Variants in IL2RB observed in about 807,000 individuals in gnomAD.
IL2RB encodes interleukin-2 receptor subunit beta.
In IL2RB, 17 loss-of-function variants were observed where a neutral mutation model predicts 44.2. The observed-to-expected ratio is 0.38, with a 90% CI of 0.26 to 0.58. IL2RB has a LOEUF of 0.58. IL2RB is among the 20% of genes least tolerant of loss of function. The pLI is 0.63. For missense variants in IL2RB, 624 were observed against 685.5 expected (o/e 0.91, Z 1.00); for synonymous variants, 286 against 297.9 (o/e 0.96, Z 0.41).
upstream of IL2RB, among the ~76,000 whole-genome samples, chr22:37,154,415 C>G (rs377487747): frequency 2.6e-5 from 4 of 152,244 alleles, no homozygotes; most frequent in Admixed American, 6.5e-5. Flanking sequence ...GGCATCAGCT[C>G]GGGTCTGCTT....
At chr22:37,150,983 C>T (rs149366180), upstream of IL2RB, among the ~76,000 whole-genome samples, 1 of 152,290 alleles carries the variant, frequency 6.6e-6, no homozygotes, top group East Asian at 1.9e-4. Flanking sequence ...TGTTGATGGG[C>T]ACTTAGGTTG....
At position 37,135,245 on chromosome 22, in the gene IL2RB, T is replaced by G. The variant is rs149775592; in HGVS notation, c.818+83A>C. On this transcript the variant is annotated intron_variant, in intron 8 of 9. Transcript: ENST00000216223. ...GTGTGTGTGTGTGTATGTGTGCTTG[T>G]GTGCGTGTGTGTGCATGTGTGTGCA... 76 of 864,718 alleles carry G rather than the reference T, an allele frequency of 8.8e-5. No homozygotes were observed. The East Asian group carries it at 1.8e-3, about 21-fold the overall frequency. The allele number at this position is 864,718 out of a possible 1,614,324, so 53.6% of individuals were successfully genotyped here.
intron 1 of IL2RB, among the ~76,000 whole-genome samples, chr22:37,149,445 C>T (rs369301311): frequency 3.9e-5 from 6 of 152,198 alleles, no homozygotes; most frequent in African/African-American, 9.6e-5. Context: ...GGAGGGGGCT[C>T]CCGCCTGTCC....
At chr22:37,152,719 G>C (rs1922538186), upstream of IL2RB, among the ~76,000 whole-genome samples, 1 of 152,018 alleles carries the variant, frequency 6.6e-6, no homozygotes, top group Non-Finnish European at 1.5e-5. Flanking sequence ...CGGGGGAGAA[G>C]GGTGGCGTGG....
chr22:37,152,112 A>G (rs1922513523), upstream of IL2RB, among the ~76,000 whole-genome samples: 1 of 152,184 alleles, frequency 6.6e-6, no homozygotes, highest in Non-Finnish European at 1.5e-5. Context: ...GAAGAATGTC[A>G]TTAGTATTTT....
At chr22:37,161,892 G>A (rs1217453394) in intron 1 of IL2RB, 1 of 152,210 alleles carries the variant, frequency 6.6e-6, no homozygotes, top group Non-Finnish European at 1.5e-5. Flanking sequence ...GGAGGCTGGC[G>A]AGGGTGGTGT....
intron 1 of IL2RB, among the ~76,000 whole-genome samples, chr22:37,158,072 C>T (rs953705755): frequency 6.6e-6 from 1 of 152,190 alleles, no homozygotes; most frequent in Admixed American, 6.5e-5. Context: ...ACATCTCTGA[C>T]ACATGACCCA....
chr22:37,137,118 G>T (rs1921747153), intron 6 of IL2RB, among the ~76,000 whole-genome samples: 1 of 152,234 alleles, frequency 6.6e-6, no homozygotes, highest in African/African-American at 2.4e-5. Flanking sequence ...GAGAGTGGAA[G>T]TTTGCTGAGC....
Position 37,128,541 on chromosome 22 carries a change from G to A in IL2RB, c.1211C>T (p.Ser404Phe), listed in dbSNP as rs374625831. Residue 404 changes from serine (S) to phenylalanine (F), a missense_variant, in exon 10 of 10, where the codon TCC (serine) becomes TTC (phenylalanine). Physicochemically the swap from Ser to Phe is radical, Grantham distance 155. Coordinates refer to ENST00000216223, the MANE Select transcript of IL2RB (RefSeq NM_000878.5). This position sits in a 1 kb window ranked among gnomAD's most constrained non-coding sequence, Gnocchi z 4.5. The part of the protein sequence containing the change: ...EGVAGAPTGS[S>F]PQPLQPLSGE... ...TGACAGAGGCTGCAGGGGTTGGGGG[G>A]AAGACCCTGTGGGTGCCCCGGCCAC... The A allele has an allele frequency of 3.1e-6, 5 of 1,613,638 alleles. No individual in the cohort carries two copies. In the Admixed American group the frequency reaches 6.7e-5, roughly 22 times the overall value.
At chr22:37,132,964 G>A (rs1311485590) in intron 8 of IL2RB, among the ~76,000 whole-genome samples, 3 of 152,238 alleles carry the variant, frequency 2.0e-5, no homozygotes, top group African/African-American at 2.4e-5. Context: ...GGGAAAGGTG[G>A]TGGTGAGTGA....
At position 37,144,157 on chromosome 22, in the gene IL2RB, G is replaced by A. The variant is rs973200850; in HGVS notation, c.16C>T (p.Leu6=). The A allele has an allele frequency of 6.4e-7, 1 of 1,551,428 alleles. No homozygotes were observed. The highest frequency in any genetic ancestry group is 8.7e-7 in the Non-Finnish European group (1 of 1,146,988). Residue 6 remains leucine, a synonymous_variant, in exon 2 of 10, where the codon CTG becomes TTG. Coordinates refer to ENST00000216223, the MANE Select transcript of IL2RB (RefSeq NM_000878.5). ...ATGAGGAGGGGCAGACGCCAGGACA[G>A]AGCAGGGGCCGCCATTACATCCACA... The part of the protein sequence containing the change: MAAPA[L]SWRLPLLILL...
At chr22:37,172,597 G>A (rs1303474892) in intron 1 of IL2RB, among the ~76,000 whole-genome samples, 2 of 152,206 alleles carry the variant, frequency 1.3e-5, no homozygotes, top group African/African-American at 4.8e-5. Context: ...CACCCAAAGT[G>A]CCTCCTTCAC....
intron 1 of IL2RB, among the ~76,000 whole-genome samples, chr22:37,165,534 G>C (rs1462303327): frequency 6.6e-6 from 1 of 152,132 alleles, no homozygotes; most frequent in Admixed American, 6.5e-5. Flanking sequence ...AGCCCTCAAG[G>C]AGCCCAGAGT....
At chr22:37,170,141 AACAG>A (rs1474454795) in intron 1 of IL2RB, among the ~76,000 whole-genome samples, 18 of 151,922 alleles carry the variant, frequency 1.2e-4, no homozygotes, top group Non-Finnish European at 2.9e-5. Flanking sequence ...TGAAGGGATG[AACAG>A]ACAGACGGAT....
At chr22:37,137,775 A>T in intron 5 of IL2RB, 40 bp from the exon 6 acceptor site, 1 of 1,556,826 alleles carries the variant, frequency 6.4e-7, no homozygotes, top group South Asian at 1.1e-5. Context: ...GTCAGCCATG[A>T]CCTCCACCTC....
chr22:37,129,409 T>C (rs1021756729), intron 9 of IL2RB, among the ~76,000 whole-genome samples: 1 of 152,018 alleles, frequency 6.6e-6, no homozygotes, highest in African/African-American at 2.4e-5. Context: ...TTGGGGGAGC[T>C]GATGGTTTCC....
intron 1 of IL2RB, among the ~76,000 whole-genome samples, chr22:37,157,651 TC>T (rs371121624): frequency 4.6e-5 from 7 of 152,084 alleles, no homozygotes; most frequent in African/African-American, 1.2e-4. Context: ...ACTAATCAGC[TC>T]CCCGATTTAA....
intron 2 of IL2RB, 124 bp from the exon 3 acceptor site, chr22:37,143,759 C>T (rs905484896): frequency 6.5e-5 from 47 of 727,096 alleles, no homozygotes; most frequent in Non-Finnish European, 1.1e-4. Flanking sequence ...CTCTGGCAAG[C>T]GGAGAAGGGA....
In IL2RB at chr22:37,141,763, G is replaced by A. The variant is rs1208908049; in HGVS notation, c.282+671C>T. 7.9e-5 allele frequency among the ~76,000 whole-genome samples: 12 copies of A among 152,218 alleles called. No homozygotes were observed. Among genetic ancestry groups the A allele is most frequent in the Non-Finnish European group, 1.6e-4 (11 of 68,020 alleles). Reference sequence around the variant, plus strand: ...CCCTCTGGACTTTAGGCACCAATGAGCACAGGGGGATGGGAAGCCACGGGG... The same window carrying A: ...CCCTCTGGACTTTAGGCACCAATGAACACAGGGGGATGGGAAGCCACGGGG... On this transcript the variant is annotated intron_variant, in intron 4 of 9. Transcript: ENST00000216223. The surrounding 1 kb of genome is among the most constrained non-coding windows in gnomAD (Gnocchi z 4.4).
Sources: allele counts gnomAD v4.1 joint callset (sites outside exome capture counted in the v4.1 genomes callset), GRCh38; gene constraint gnomAD v4.1.1; non-coding constraint Gnocchi (gnomAD v3.1); transcripts MANE v1.5; gene names NCBI Gene and HGNC (gene_info 2026-07-23, HGNC 2026-07-21).